Variants in KLHDC4 observed in about 807,000 individuals in gnomAD.
KLHDC4 encodes kelch domain-containing protein 4.
KLHDC4 carries 90 observed loss-of-function variants against 62.4 expected under a neutral mutation model. The ratio of observed to expected loss-of-function variants is 1.44; its 90% CI spans 1.22 to 1.72. The LOEUF is 1.72. Among genes scored for constraint, KLHDC4 ranks in the 40% most tolerant of loss-of-function variants. The pLI is 0.00. For missense variants in KLHDC4, 1,025 were observed against 699.7 expected, an observed-to-expected ratio of 1.47 and a Z score of -5.25; for synonymous variants, 386 against 284.4, an observed-to-expected ratio of 1.36 and a Z score of -3.59.
intron 5 of KLHDC4, among the ~76,000 whole-genome samples, chr16:87,732,759 C>T (rs2040608097): frequency 6.6e-6 from 1 of 152,086 alleles, no homozygotes; most frequent in Non-Finnish European, 1.5e-5. Flanking sequence ...AATCCTATCC[C>T]AGCTTCTACA....
intron 5 of KLHDC4, among the ~76,000 whole-genome samples, chr16:87,744,953 T>G (rs2042814624): frequency 6.7e-6 from 1 of 150,044 alleles, no homozygotes; most frequent in Non-Finnish European, 1.5e-5. Context: ...TCACATATGC[T>G]CACACGTGCA....
chr16:87,750,471 G>C (rs1206998750), intron 4 of KLHDC4: 2 of 152,262 alleles, frequency 1.3e-5, no homozygotes, highest in African/African-American at 4.8e-5. Context: ...CCATTTCCCA[G>C]CTCAGCCGTG....
intron 7 of KLHDC4, among the ~76,000 whole-genome samples, chr16:87,721,873 C>T (rs2038422991): frequency 6.6e-6 from 1 of 152,104 alleles, no homozygotes; most frequent in Non-Finnish European, 1.5e-5. Flanking sequence ...CCGTCCTCAG[C>T]AGGACTCCGC....
At chr16:87,759,607 G>A (rs896853347) in intron 2 of KLHDC4, among the ~76,000 whole-genome samples, 12 of 151,852 alleles carry the variant, frequency 7.9e-5, no homozygotes, top group Non-Finnish European at 1.3e-4. Flanking sequence ...TTAGCCGGGC[G>A]TGGTGGTGCA....
At chr16:87,753,396 C>A (rs1025623336) in intron 4 of KLHDC4, among the ~76,000 whole-genome samples, 1 of 151,958 alleles carries the variant, frequency 6.6e-6, no homozygotes, top group Admixed American at 6.6e-5. Flanking sequence ...GCAGAAAGGC[C>A]ACCACTGAGG....
chr16:87,727,381 G>C (rs116694374), intron 6 of KLHDC4, among the ~76,000 whole-genome samples: 1 of 152,248 alleles, frequency 6.6e-6, no homozygotes, highest in Non-Finnish European at 1.5e-5. Context: ...GGGCAGCAGT[G>C]AATGGCGCCT....
At chr16:87,721,807 T>A (rs867037640) in intron 7 of KLHDC4, among the ~76,000 whole-genome samples, 1 of 152,374 alleles carries the variant, frequency 6.6e-6, no homozygotes, top group African/African-American at 2.4e-5. Flanking sequence ...CGTTATCTCC[T>A]GACCTCCAGG....
chr16:87,701,981 C>A (rs2034165461), exon 1 of KLHDC4: 2 of 456,182 alleles, frequency 4.4e-6, no homozygotes, highest in Non-Finnish European at 8.8e-6. Context: ...TCTTCCTGGG[C>A]CTGCAACAAA....
At chr16:87,763,005 G>GC (rs2046108197) in intron 1 of KLHDC4, among the ~76,000 whole-genome samples, 1 of 151,976 alleles carries the variant, frequency 6.6e-6, no homozygotes, top group African/African-American at 2.4e-5. Flanking sequence ...AGCCTGCCAC[G>GC]CCCCACCTCG....
intron 5 of KLHDC4, among the ~76,000 whole-genome samples, chr16:87,744,707 C>A (rs2042769267): frequency 6.6e-6 from 1 of 151,930 alleles, no homozygotes; most frequent in African/African-American, 2.4e-5. Flanking sequence ...TACCATAAAG[C>A]TACAGTAATT....
chr16:87,743,909 G>A (rs949747201), intron 5 of KLHDC4, among the ~76,000 whole-genome samples: 2 of 152,028 alleles, frequency 1.3e-5, no homozygotes, highest in Non-Finnish European at 2.9e-5. Context: ...AGGAATGAGG[G>A]GTATGATGCT....
chr16:87,764,457 C>A (rs558379069), intron 1 of KLHDC4, among the ~76,000 whole-genome samples: 16 of 152,036 alleles, frequency 1.1e-4, no homozygotes, highest in Admixed American at 3.9e-4. Context: ...CCAGACCAGC[C>A]TGACCAAAAC....
chr16:87,725,518 C>T (rs1261125489), intron 7 of KLHDC4, among the ~76,000 whole-genome samples: 1 of 151,992 alleles, frequency 6.6e-6, no homozygotes, highest in East Asian at 1.9e-4. Context: ...CAGGTGTTCC[C>T]CGTAAAATTC....
At chr16:87,706,486 G>A (rs1243527439), downstream of KLHDC4, among the ~76,000 whole-genome samples, 3 of 152,100 alleles carry the variant, frequency 2.0e-5, no homozygotes, top group African/African-American at 7.2e-5. Context: ...CTCGAGGGGG[G>A]CGGCACCTGC....
intron 7 of KLHDC4, among the ~76,000 whole-genome samples, chr16:87,719,308 T>C (rs1317023902): frequency 6.6e-6 from 1 of 152,280 alleles, no homozygotes; most frequent in East Asian, 1.9e-4. Context: ...GGAGACTCCA[T>C]TTTGTTCTGT....
intron 2 of KLHDC4, among the ~76,000 whole-genome samples, chr16:87,757,688 AAGACC>A: frequency 6.6e-6 from 1 of 151,924 alleles, no homozygotes; most frequent in Non-Finnish European, 1.5e-5. Flanking sequence ...TGAGGAGTTC[AAGACC>A]AGCCTGGCAA....
intron 7 of KLHDC4, among the ~76,000 whole-genome samples, chr16:87,718,163 G>T (rs1187784392): frequency 1.3e-5 from 2 of 152,186 alleles, no homozygotes; most frequent in Non-Finnish European, 2.9e-5. Flanking sequence ...TTCAAAGAAA[G>T]TAACAGACAA....
intron 5 of KLHDC4, among the ~76,000 whole-genome samples, chr16:87,741,774 G>C (rs1323363104): frequency 6.6e-6 from 1 of 152,224 alleles, no homozygotes; most frequent in East Asian, 1.9e-4. Flanking sequence ...GACTACTCCA[G>C]ATACTGAATC....
downstream of KLHDC4, chr16:87,707,763 G>C: frequency 3.1e-6 from 1 of 326,076 alleles, no homozygotes; most frequent in South Asian, 2.5e-5. Flanking sequence ...GAGGCCCCGG[G>C]AAGACTGCGG....
Sources: allele counts gnomAD v4.1 joint callset (sites outside exome capture counted in the v4.1 genomes callset), GRCh38; gene constraint gnomAD v4.1.1; transcripts MANE v1.5; gene names NCBI Gene and HGNC (gene_info 2026-07-23, HGNC 2026-07-21).